Variants in OR1J2 observed in about 807,000 individuals in gnomAD.
OR1J2 encodes the protein olfactory receptor family 1 subfamily J member 2, also known as olfactory receptor 1J2.
For missense variants in OR1J2, 304 were observed against 246.1 expected, an observed-to-expected ratio of 1.24 and a Z score of -1.57; for synonymous variants, 142 against 99.7, an observed-to-expected ratio of 1.42 and a Z score of -2.52.
chr9:122,553,230 G>C, the OR1J2 span: 26 of 1,613,810 alleles, frequency 1.6e-5, no homozygotes, highest in Non-Finnish European at 2.2e-5. Context: ...ACCAGGCAGA[G>C]TGAACCAAAC....
chr9:122,563,277 T>C, the OR1J2 span, among the ~76,000 whole-genome samples: 13 of 152,288 alleles, frequency 8.5e-5, no homozygotes, highest in African/African-American at 2.9e-4. Context: ...ATTTTTAAAT[T>C]TTATGGATAC....
the OR1J2 span, among the ~76,000 whole-genome samples, chr9:122,448,472 T>C: frequency 6.6e-6 from 1 of 152,106 alleles, no homozygotes; most frequent in Admixed American, 6.6e-5. Flanking sequence ...CAAGAGGCCT[T>C]CCTCTTTTAC....
chr9:122,553,878 C>T, the OR1J2 span: 36,921 of 1,613,888 alleles, frequency 0.023, 2,860 homozygotes, highest in East Asian at 0.33. Flanking sequence ...CTCCTATGTC[C>T]GCATTTTCTG....
At chr9:122,458,632 C>T in the OR1J2 span, among the ~76,000 whole-genome samples, 42,746 of 151,958 alleles carry the variant, frequency 0.28, 6,252 homozygotes, top group African/African-American at 0.36. Context: ...TTCACTATCA[C>T]GAGAACAGCA....
At chr9:122,551,219 T>C in the OR1J2 span, among the ~76,000 whole-genome samples, 3 of 152,152 alleles carry the variant, frequency 2.0e-5, no homozygotes, top group Non-Finnish European at 4.4e-5. Flanking sequence ...AAACCAACAA[T>C]GATACTAGAA....
the OR1J2 span, among the ~76,000 whole-genome samples, chr9:122,565,696 T>C: frequency 6.6e-6 from 1 of 152,240 alleles, no homozygotes; most frequent in Admixed American, 6.5e-5. Context: ...ACCTGACAGG[T>C]AGTTTTTAAC....
At chr9:122,580,324 C>CT in the OR1J2 span, among the ~76,000 whole-genome samples, 20,664 of 152,162 alleles carry the variant, frequency 0.14, 1,511 homozygotes, top group Middle Eastern at 0.2. Context: ...GAAATGTATT[C>CT]TTTTTATTTC....
the OR1J2 span, among the ~76,000 whole-genome samples, chr9:122,455,915 A>G: frequency 1.3e-5 from 2 of 152,156 alleles, no homozygotes; most frequent in Non-Finnish European, 2.9e-5. Context: ...CTATGTGTCT[A>G]TCCAATCACC....
At chr9:122,572,430 C>T in the OR1J2 span, among the ~76,000 whole-genome samples, 1 of 152,146 alleles carries the variant, frequency 6.6e-6, no homozygotes, top group Non-Finnish European at 1.5e-5. Flanking sequence ...ATGCTCCAGA[C>T]TGTAGACATG....
the OR1J2 span, among the ~76,000 whole-genome samples, chr9:122,560,223 T>C: frequency 6.6e-6 from 1 of 152,320 alleles, no homozygotes; most frequent in East Asian, 1.9e-4. Context: ...TATTTGTTTC[T>C]TTGCACGTGA....
the OR1J2 span, among the ~76,000 whole-genome samples, chr9:122,503,125 C>T: frequency 4.6e-5 from 7 of 152,136 alleles, no homozygotes; most frequent in Non-Finnish European, 7.3e-5. Flanking sequence ...GCTGTATATG[C>T]ATTGTACCAC....
At chr9:122,528,993 C>T in the OR1J2 span, among the ~76,000 whole-genome samples, 1 of 152,124 alleles carries the variant, frequency 6.6e-6, no homozygotes, top group African/African-American at 2.4e-5. Flanking sequence ...GAGTCTATAC[C>T]TGAATAAAAA....
At chr9:122,462,929 C>T in the OR1J2 span, among the ~76,000 whole-genome samples, 1 of 152,128 alleles carries the variant, frequency 6.6e-6, no homozygotes, top group African/African-American at 2.4e-5. Flanking sequence ...CAATGCATTT[C>T]CCAGTGTTCT....
At chr9:122,483,382 GTTAAT>G in the OR1J2 span, among the ~76,000 whole-genome samples, 1 of 152,046 alleles carries the variant, frequency 6.6e-6, no homozygotes, top group Non-Finnish European at 1.5e-5. Context: ...ATAAACAGAA[GTTAAT>G]TTATTTATGT....
At chr9:122,509,904 T>C (rs1828600176), upstream of OR1J2, among the ~76,000 whole-genome samples, 1 of 152,092 alleles carries the variant, frequency 6.6e-6, no homozygotes, top group African/African-American at 2.4e-5. Context: ...CTCTACATAA[T>C]TGAAACAAAT....
upstream of OR1J2, among the ~76,000 whole-genome samples, chr9:122,507,830 G>A (rs1444297065): frequency 6.6e-6 from 1 of 152,024 alleles, no homozygotes; most frequent in Non-Finnish European, 1.5e-5. Context: ...GTGGCAGGAG[G>A]GAAACCAATA....
At chr9:122,518,670 G>A in the OR1J2 span, among the ~76,000 whole-genome samples, 19 of 152,056 alleles carry the variant, frequency 1.2e-4, no homozygotes, top group African/African-American at 4.6e-4. Context: ...AACTTTGGCT[G>A]TTTATCTTTG....
the OR1J2 span, among the ~76,000 whole-genome samples, chr9:122,529,407 A>G: frequency 6.6e-6 from 1 of 152,242 alleles, no homozygotes; most frequent in Admixed American, 6.5e-5. Flanking sequence ...AGGGAAGAGC[A>G]GCATCTTTTT....
chr9:122,478,701 A>G, the OR1J2 span, among the ~76,000 whole-genome samples: 1 of 152,180 alleles, frequency 6.6e-6, no homozygotes, highest in South Asian at 2.1e-4. Flanking sequence ...AGGTAAATAA[A>G]TCATAATACG....
Sources: allele counts gnomAD v4.1 joint callset (sites outside exome capture counted in the v4.1 genomes callset), GRCh38; gene constraint gnomAD v4.1.1; transcripts MANE v1.5; gene names NCBI Gene and HGNC (gene_info 2026-07-23, HGNC 2026-07-21).